The following ASIC2 variants were observed in gnomAD, a reference collection of about 807,000 sequenced individuals.
The protein encoded by ASIC2 is acid sensing ion channel subunit 2, also known as acid-sensing ion channel 2.
Under a neutral mutation model 57.3 loss-of-function variants are expected in ASIC2, and 25 were observed. That is an observed-to-expected ratio of 0.44 (90% CI 0.32 to 0.61). The LOEUF (loss-of-function observed/expected upper bound fraction) is 0.61, where lower values mean the gene tolerates loss of function less well. Ranked by LOEUF, ASIC2 falls within the 20% of genes least tolerant of loss-of-function variation. The pLI, the probability that ASIC2 is intolerant of heterozygous loss-of-function variation, is 0.06. For synonymous variants in ASIC2, 319 were observed against 307.5 expected, an observed-to-expected ratio of 1.04 and a Z score of -0.39; for missense variants, 641 against 738.1, an observed-to-expected ratio of 0.87 and a Z score of 1.52.
chr17:34,061,484 G>T (rs1908967676), intron 1 of ASIC2, among the ~76,000 whole-genome samples: 3 of 152,004 alleles, frequency 2.0e-5, no homozygotes, highest in Non-Finnish European at 4.4e-5. Flanking sequence ...AAGTACACAG[G>T]CAACAAAGAG....
rs569011257 is a variant in ASIC2 at position 33,955,145 on chromosome 17, C to T, written c.555+200833G>A. Reference sequence around the variant, plus strand: ...TTGATGACTTGACCAATAAGTCACACTGAAATTAAGCAGTAGAAATGGGTC... The same window carrying T: ...TTGATGACTTGACCAATAAGTCACATTGAAATTAAGCAGTAGAAATGGGTC... On this transcript the variant is annotated intron_variant, in intron 1 of 9. Coordinates refer to the ASIC2 transcript ENST00000359872. The T allele has an allele frequency of 3.3e-5, 5 of 152,274 alleles. No individual in the cohort carries two copies. In the South Asian group the frequency reaches 1.0e-3, roughly 32 times the overall value. 9.4% of individuals were successfully genotyped at this position (152,274 alleles called of 1,614,324 possible). A position where few individuals can be genotyped will look rare whatever the true frequency, so the allele number is the denominator to read the frequency against.
At chr17:33,351,444 T>A (rs907789339) in intron 1 of ASIC2, among the ~76,000 whole-genome samples, 1 of 152,202 alleles carries the variant, frequency 6.6e-6, no homozygotes, top group South Asian at 2.1e-4. Context: ...CAGGTTGAGA[T>A]GTTTCCCCAC....
At chr17:34,060,113 C>T (rs1204692376) in intron 1 of ASIC2, among the ~76,000 whole-genome samples, 1 of 152,192 alleles carries the variant, frequency 6.6e-6, no homozygotes, top group Non-Finnish European at 1.5e-5. Flanking sequence ...CCACCTCCAC[C>T]AGAACAGGTG....
intron 1 of ASIC2, among the ~76,000 whole-genome samples, chr17:34,094,118 T>C (rs542523681): frequency 2.6e-5 from 4 of 152,214 alleles, no homozygotes; most frequent in South Asian, 2.1e-4. Flanking sequence ...ATTCTGGTGA[T>C]TGCGGAGAGG....
intron 3 of ASIC2, among the ~76,000 whole-genome samples, chr17:33,054,033 G>A (rs2091988222): frequency 6.6e-6 from 1 of 151,958 alleles, no homozygotes; most frequent in Admixed American, 6.6e-5. Context: ...TTGCTCTCCT[G>A]TATCCCTGCC....
At chr17:33,290,510 C>T (rs1232264131) in intron 1 of ASIC2, among the ~76,000 whole-genome samples, 1 of 152,256 alleles carries the variant, frequency 6.6e-6, no homozygotes, top group Non-Finnish European at 1.5e-5. Flanking sequence ...ACCTTCTGTC[C>T]AACAGCTGCG....
At chr17:33,601,800 G>A (rs1033338338) in intron 1 of ASIC2, among the ~76,000 whole-genome samples, 1 of 152,224 alleles carries the variant, frequency 6.6e-6, no homozygotes, top group East Asian at 1.9e-4. Context: ...TGAGGCGTTA[G>A]GGGCCCAACC....
chr17:34,043,335 T>C (rs1375846633), intron 1 of ASIC2, among the ~76,000 whole-genome samples: 1 of 152,200 alleles, frequency 6.6e-6, no homozygotes. Flanking sequence ...TTACATGGTA[T>C]GTGATAAAAG....
intron 1 of ASIC2, among the ~76,000 whole-genome samples, chr17:34,145,706 G>A (rs998933015): frequency 1.3e-5 from 2 of 152,000 alleles, no homozygotes; most frequent in Admixed American, 6.5e-5. Context: ...CATATTGCCC[G>A]TGAGCCACCC....
At chr17:33,257,712 G>A (rs2142140451) in intron 1 of ASIC2, among the ~76,000 whole-genome samples, 1 of 152,262 alleles carries the variant, frequency 6.6e-6, no homozygotes, top group East Asian at 1.9e-4. Context: ...GCAGGTGTGT[G>A]GTATCAAGGT....
chr17:33,330,012 T>C (rs1387720238), intron 1 of ASIC2, among the ~76,000 whole-genome samples: 1 of 152,194 alleles, frequency 6.6e-6, no homozygotes, highest in Non-Finnish European at 1.5e-5. Context: ...GGAAAAGGGT[T>C]GTGTTCTCAT....
At chr17:33,796,001 G>A (rs1911907274) in intron 1 of ASIC2, among the ~76,000 whole-genome samples, 1 of 152,228 alleles carries the variant, frequency 6.6e-6, no homozygotes, top group Admixed American at 6.5e-5. Context: ...CTGTTAAGAT[G>A]AGGCTTTGTG....
intron 1 of ASIC2, among the ~76,000 whole-genome samples, chr17:34,028,834 T>C (rs772986245): frequency 6.6e-6 from 1 of 152,210 alleles, no homozygotes; most frequent in Non-Finnish European, 1.5e-5. Flanking sequence ...TCTTCTTGGA[T>C]TGAATCTTTC....
intron 1 of ASIC2, among the ~76,000 whole-genome samples, chr17:34,023,173 T>C (rs12942329): frequency 2.2e-4 from 34 of 152,110 alleles, no homozygotes; most frequent in African/African-American, 7.2e-4. Flanking sequence ...AATGAACTAA[T>C]ACACCCTCTA....
intron 1 of ASIC2, among the ~76,000 whole-genome samples, chr17:33,549,059 C>G (rs1242315917): frequency 6.6e-6 from 1 of 152,078 alleles, no homozygotes; most frequent in Non-Finnish European, 1.5e-5. Flanking sequence ...GTTTCCTCCA[C>G]TTGAACATAT....
chr17:33,474,751 G>C (rs146475044), intron 1 of ASIC2, among the ~76,000 whole-genome samples: 1 of 152,344 alleles, frequency 6.6e-6, no homozygotes, highest in Non-Finnish European at 1.5e-5. Flanking sequence ...GCCTCCTATG[G>C]CAGAGGGCAA....
At chr17:33,023,434 G>A (rs538143782) in intron 6 of ASIC2, among the ~76,000 whole-genome samples, 1 of 151,194 alleles carries the variant, frequency 6.6e-6, no homozygotes, top group Non-Finnish European at 1.5e-5. Context: ...ACCTTGCAGT[G>A]AGCCGAGATC....
intron 1 of ASIC2, among the ~76,000 whole-genome samples, chr17:33,393,290 A>G (rs530059452): frequency 6.6e-6 from 1 of 152,224 alleles, no homozygotes; most frequent in South Asian, 2.1e-4. Flanking sequence ...CACTGTATGA[A>G]TGACCTGTTG....
At chr17:34,020,292 G>A (rs564801581) in intron 1 of ASIC2, among the ~76,000 whole-genome samples, 74 of 152,218 alleles carry the variant, frequency 4.9e-4, no homozygotes, top group African/African-American at 1.4e-3. Context: ...GCTCCACTCC[G>A]CCTGGCAGCC....
Sources: gnomAD v4.1 joint callset for allele counts (sites outside exome capture counted in the v4.1 genomes callset) on GRCh38, gnomAD v4.1.1 for gene constraint, MANE v1.5 for transcripts, NCBI Gene and HGNC (gene_info 2026-07-23, HGNC 2026-07-21) for gene names.